The following FBXL18 variants were observed in gnomAD, a reference collection of about 807,000 sequenced individuals.
The protein encoded by FBXL18 is F-box/LRR-repeat protein 18.
Under a neutral mutation model 46.0 loss-of-function variants are expected in FBXL18, and 36 were observed. The observed-to-expected ratio is 0.78, with a 90% CI of 0.60 to 1.03. FBXL18 has a LOEUF of 1.03. FBXL18 is among the 50% of genes least tolerant of loss of function. The pLI, the probability that FBXL18 is intolerant of heterozygous loss-of-function variation, is 0.00. For missense variants in FBXL18, 977 were observed against 1,004.1 expected, an observed-to-expected ratio of 0.97 and a Z score of 0.36; for synonymous variants, 557 against 465.3, an observed-to-expected ratio of 1.20 and a Z score of -2.54.
chr7:5,463,737 T>TA (rs1562672327), intron 4 of FBXL18, among the ~76,000 whole-genome samples: 81 of 35,872 alleles, frequency 2.3e-3, no homozygotes, highest in African/African-American at 7.5e-3. Context: ...TATTTTTTTT[T>TA]TTTTTTTTTT....
chr7:5,474,294 C>T (rs1008922467), downstream of FBXL18, among the ~76,000 whole-genome samples: 1 of 147,260 alleles, frequency 6.8e-6, no homozygotes, highest in Non-Finnish European at 1.5e-5. Context: ...CTTAATGCCA[C>T]CGAACTGTGC....
chr7:5,506,217 G>A (rs528321221), intron 1 of FBXL18, among the ~76,000 whole-genome samples: 5 of 151,662 alleles, frequency 3.3e-5, no homozygotes, highest in African/African-American at 1.2e-4. Flanking sequence ...GGGCTGGGAT[G>A]GCAGGTGTGA....
In FBXL18 at chr7:5,505,451, C is replaced by G. The variant is rs371112907; in HGVS notation, c.198G>C (p.Lys66Asn). 6.2e-7 allele frequency: 1 copy of G among 1,614,030 alleles called. No homozygotes were observed. Among genetic ancestry groups the G allele is most frequent in the Non-Finnish European group, 8.5e-7 (1 of 1,180,028 alleles). Residue 66 changes from lysine (K) to asparagine (N), a missense_variant, in exon 2 of 5, where the codon AAG (lysine) becomes AAC (asparagine). By Grantham distance (94) the Lys-to-Asn change is moderately conservative. Transcript: ENST00000382368. ...GCAGCAACACGGTGTGGATGAGGCT[C>G]TTGTCAAGGCACAGGGCTGCAAGCT... ...CRKLAALCLD[K>N]SLIHTVLLQK...
At chr7:5,491,587 C>T (rs1195703669) in intron 3 of FBXL18, 138 bp from the exon 4 acceptor site, 7 of 710,054 alleles carry the variant, frequency 9.9e-6, no homozygotes, top group Non-Finnish European at 1.6e-5. Context: ...CCCACCAATA[C>T]CACTATCCCT....
Position 5,481,568 on chromosome 7 carries a change from C to T in FBXL18, c.*207G>A. On this transcript the variant is annotated 3_prime_UTR_variant, in exon 5 of 5. Coordinates refer to ENST00000382368, the MANE Select transcript of FBXL18 (RefSeq NM_024963.6). ...GTCCCCCGAGCCCCCTCATGTCACC[C>T]AGAACGCATCCCCTCGACCTAAACT... The T allele has an allele frequency of 1.8e-6, 1 of 569,064 alleles. No homozygotes were observed. Among genetic ancestry groups the T allele is most frequent in the Non-Finnish European group, 3.1e-6 (1 of 320,324 alleles). 35.3% of individuals were successfully genotyped at this position (569,064 alleles called of 1,614,324 possible).
In FBXL18 at chr7:5,481,826, G is replaced by A. The variant is rs1296009121; in HGVS notation, c.2106C>T (p.Ile702=). 1 of 1,613,786 alleles carries A rather than the reference G, an allele frequency of 6.2e-7. No individual in the cohort carries two copies. The highest frequency in any genetic ancestry group is 1.3e-5 in the African/African-American group (1 of 75,064). The part of the protein sequence containing the change: ...RDVPLVHLDE[I]TLFKSRVAEE... The stretch of plus-strand genomic sequence containing the variant: ...CGGCCACTCTGCTCTTAAATAAGGT[G>A]ATCTCATCCAGGTGCACCAGGGGGA... The change falls in exon 5 of 5, where the codon ATC becomes ATT. Residue 702 remains isoleucine, a synonymous_variant. Transcript: ENST00000382368.
intron 4 of FBXL18, chr7:5,489,665 G>C (rs1783865039): frequency 9.2e-6 from 2 of 216,598 alleles, no homozygotes; most frequent in Non-Finnish European, 1.9e-5. Context: ...TGTAGTCCCA[G>C]CTACTTGGGA....
In FBXL18 at chr7:5,500,997, A is replaced by G. The variant is rs779676326; in HGVS notation, c.1272T>C (p.Ser424=). 1 of 1,581,914 alleles carries G rather than the reference A, an allele frequency of 6.3e-7. No homozygotes were observed. The highest frequency in any genetic ancestry group is 8.6e-7 in the Non-Finnish European group (1 of 1,167,566). ...CGGCGCGCGGCGCGGAGTCAGCGAC[A>G]GAGCAGACAGGCAGGGAGAGGGAGC... ...HLRSLSLPVC[S]VADSAPRADR... is the part of the protein sequence containing the mutation. The change falls in exon 3 of 5, where the codon TCT becomes TCC. Residue 424 remains serine, a synonymous_variant. Coordinates refer to ENST00000382368, the MANE Select transcript of FBXL18 (RefSeq NM_024963.6).
At chr7:5,497,215 G>T (rs187402007) in intron 3 of FBXL18, among the ~76,000 whole-genome samples, 84 of 151,992 alleles carry the variant, frequency 5.5e-4, no homozygotes, top group African/African-American at 1.7e-3. Context: ...AAAAAAAGTG[G>T]GAAAGCCCAA....
chr7:5,469,019 T>A (rs1783387524), intron 4 of FBXL18, among the ~76,000 whole-genome samples: 1 of 151,954 alleles, frequency 6.6e-6, no homozygotes, highest in Admixed American at 6.6e-5. Flanking sequence ...TGTGCGGGTG[T>A]GATGAGACAT....
chr7:5,459,739 CAAAA>C (rs747295023), intron 4 of FBXL18, among the ~76,000 whole-genome samples: 1 of 92,432 alleles, frequency 1.1e-5, no homozygotes, highest in Non-Finnish European at 2.4e-5. Flanking sequence ...GACTCCATCT[CAAAA>C]AAAAAAAAAA....
rs368543273 is a variant in FBXL18, at chr7:5,455,106, C to A, written c.2001-7263G>T. ...GTGAGGTTAGCCTCATCAGCAAACT[C>A]GAGGCTGGCTTCCTATCCTCTTGCT... On this transcript the variant is annotated intron_variant and NMD_transcript_variant, in intron 4 of 6. Coordinates refer to the FBXL18 transcript ENST00000415009. This position sits in a 1 kb window ranked among gnomAD's most constrained non-coding sequence, Gnocchi z 4.6. Among the ~76,000 whole-genome samples, 1 of 152,108 alleles carries A rather than the reference C, an allele frequency of 6.6e-6. No homozygotes were observed. The highest frequency in any genetic ancestry group is 1.9e-4 in the East Asian group (1 of 5,188).
At chr7:5,469,545 GGT>G (rs964675642) in intron 4 of FBXL18, among the ~76,000 whole-genome samples, 17 of 152,032 alleles carry the variant, frequency 1.1e-4, no homozygotes, top group African/African-American at 3.4e-4. Flanking sequence ...TCAGTGTGTG[GGT>G]GTGTGTGGGG....
chr7:5,463,226 G>A (rs1783282763), intron 4 of FBXL18, among the ~76,000 whole-genome samples: 1 of 151,546 alleles, frequency 6.6e-6, no homozygotes, highest in South Asian at 2.1e-4. Context: ...TGCAGCTGCT[G>A]AGGAGAACAG....
Position 5,500,984 on chromosome 7 carries a change from C to T in FBXL18, c.1285G>A (p.Ala429Thr). The change falls in exon 3 of 5, where the codon GCG becomes ACG. Residue 429 changes from alanine to threonine, a missense_variant. Transcript: ENST00000382368. ...GCGGGCGCGCGGTCGGCGCGCGGCG[C>T]GGAGTCAGCGACAGAGCAGACAGGC... ...SLPVCSVADSAPRADRAPAQP... is the reference protein window; with the variant it reads ...SLPVCSVADSTPRADRAPAQP... 1.9e-6 allele frequency: 3 copies of T among 1,558,502 alleles called. No individual in the cohort carries two copies. Among genetic ancestry groups the T allele is most frequent in the South Asian group, 1.2e-5 (1 of 83,374 alleles).
chr7:5,469,719 G>C (rs1562675465), intron 4 of FBXL18, among the ~76,000 whole-genome samples: 1 of 152,052 alleles, frequency 6.6e-6, no homozygotes, highest in Non-Finnish European at 1.5e-5. Context: ...TGTAAGTAGA[G>C]TGCGTGTGGG....
intron 3 of FBXL18, among the ~76,000 whole-genome samples, chr7:5,495,587 G>A (rs1017106079): frequency 4.6e-5 from 7 of 152,208 alleles, no homozygotes; most frequent in South Asian, 2.1e-4. Context: ...TGGGGGTCAC[G>A]GTGTGGGGGC....
intron 4 of FBXL18, among the ~76,000 whole-genome samples, chr7:5,470,274 G>A (rs1311680213): frequency 6.6e-6 from 1 of 152,138 alleles, no homozygotes; most frequent in Non-Finnish European, 1.5e-5. Flanking sequence ...CTGGCATCAT[G>A]GCAGGGGACA....
chr7:5,486,961 G>A (rs1044748628), intron 4 of FBXL18, among the ~76,000 whole-genome samples: 4 of 152,270 alleles, frequency 2.6e-5, no homozygotes, highest in East Asian at 1.9e-4. Context: ...AGAGAAAAGC[G>A]TCAGGAAAAG....
Sources: gnomAD v4.1 joint callset for allele counts (sites outside exome capture counted in the v4.1 genomes callset) on GRCh38, gnomAD v4.1.1 for gene constraint, Gnocchi (gnomAD v3.1) non-coding constraint, MANE v1.5 for transcripts, NCBI Gene and HGNC (gene_info 2026-07-23, HGNC 2026-07-21) for gene names.